SLC7A14: variants seen among roughly 807,000 people sequenced by gnomAD.
SLC7A14 encodes solute carrier family 7 member 14, also known as gamma-aminobutyric acid transporter SLC7A14.
A neutral mutation model predicts 60.2 loss-of-function variants in SLC7A14; 37 were observed. That is an observed-to-expected ratio of 0.61 (90% CI 0.47 to 0.81). The LOEUF is 0.81. Among genes scored for constraint, SLC7A14 ranks in the 30% least tolerant of loss-of-function variants. SLC7A14 has a pLI of 0.00. For synonymous variants in SLC7A14, 399 were observed against 395.8 expected (o/e 1.01, Z -0.10); for missense variants, 886 against 982.7 (o/e 0.90, Z 1.32).
At chr3:170,496,088 C>G in intron 4 of SLC7A14, 7 of 1,231,538 alleles carry the variant, frequency 5.7e-6, no homozygotes, top group South Asian at 2.4e-5. Flanking sequence ...GGCTGACTGA[C>G]GAGATCAACT....
chr3:170,566,138 G>A (rs1051565347), intron 1 of SLC7A14, among the ~76,000 whole-genome samples: 2 of 152,148 alleles, frequency 1.3e-5, no homozygotes, highest in Non-Finnish European at 2.9e-5. Context: ...ACACAGTGAG[G>A]GAGGGATGTG....
intron 2 of SLC7A14, among the ~76,000 whole-genome samples, chr3:170,520,381 G>C (rs935257396): frequency 6.6e-6 from 1 of 152,160 alleles, no homozygotes; most frequent in Non-Finnish European, 1.5e-5. Context: ...ACATTGTTAT[G>C]ACTATTATTG....
chr3:170,466,792 G>A lies in SLC7A14; in HGVS notation c.*263C>T. 2.6e-6 allele frequency: 1 copy of A among 380,322 alleles called. No individual in the cohort carries two copies. The highest frequency in any genetic ancestry group is 4.7e-6 in the Non-Finnish European group (1 of 212,202). The allele number at this position is 380,322 out of a possible 1,614,324, so 23.6% of individuals were successfully genotyped here. A position where few individuals can be genotyped will look rare whatever the true frequency, so the allele number is the denominator to read the frequency against. ...TTTGGTACCATCAGCTCTGGTGGTT[G>A]CACCTAAGATGGAATTTCATATAGC... On this transcript the variant is annotated 3_prime_UTR_variant, in exon 8 of 8. Coordinates refer to ENST00000231706, the MANE Select transcript of SLC7A14 (RefSeq NM_020949.3).
rs1159786094 is a variant in SLC7A14, at chr3:170,480,520, C to G, written c.1762G>C (p.Asp588His). Reference sequence around the variant, plus strand: ...CACCAGCTCTGCTCTGAGATGTAGTCAGAACCAAAGATGATGAAGGAGCAG... The same window carrying G: ...CACCAGCTCTGCTCTGAGATGTAGTGAGAACCAAAGATGATGAAGGAGCAG... Reference protein sequence around the residue: ...IFCSFIIFGSDYISEQSWWAI... With the variant: ...IFCSFIIFGSHYISEQSWWAI... Residue 588 changes from aspartate (D) to histidine (H), a missense_variant, in exon 7 of 8, where the codon GAC (aspartate) becomes CAC (histidine). Coordinates refer to ENST00000231706, the MANE Select transcript of SLC7A14 (RefSeq NM_020949.3). 2 of 1,614,054 alleles carry G rather than the reference C, an allele frequency of 1.2e-6. No individual in the cohort carries two copies. Among genetic ancestry groups the G allele is most frequent in the African/African-American group, 1.3e-5 (1 of 74,912 alleles).
At chr3:170,554,672 C>T (rs544106061) in intron 1 of SLC7A14, among the ~76,000 whole-genome samples, 2 of 152,346 alleles carry the variant, frequency 1.3e-5, no homozygotes, top group East Asian at 1.9e-4. Context: ...CTCTGCCCCA[C>T]GGCAGATGTT....
intron 2 of SLC7A14, among the ~76,000 whole-genome samples, chr3:170,518,291 T>C (rs936736520): frequency 5.3e-5 from 8 of 152,230 alleles, no homozygotes; most frequent in African/African-American, 1.9e-4. Context: ...CTGATTCTAC[T>C]TTCACTTTCT....
At position 170,562,365 on chromosome 3, in the gene SLC7A14, A is replaced by G. The variant is rs567809858; in HGVS notation, c.-153+23546T>C. 5.3e-5 allele frequency among the ~76,000 whole-genome samples: 8 copies of G among 152,296 alleles called. No individual in the cohort carries two copies. The South Asian group carries it at 8.3e-4, about 16-fold the overall frequency. ...AGCAACCTGGATGGGATTGGAGACT[A>G]TTATTCTAAGTGAAGTAACTCTGGA... On this transcript the variant is annotated intron_variant, in intron 1 of 7. Coordinates refer to ENST00000231706, the MANE Select transcript of SLC7A14 (RefSeq NM_020949.3).
intron 7 of SLC7A14, among the ~76,000 whole-genome samples, chr3:170,478,235 G>A (rs1482496949): frequency 6.6e-6 from 1 of 151,978 alleles, no homozygotes; most frequent in East Asian, 1.9e-4. Context: ...TTGCCACCAC[G>A]CCTGGCTAAT....
At position 170,463,460 on chromosome 3, in the gene SLC7A14, C is replaced by T. The variant is rs1052663057; in HGVS notation, c.*3595G>A. On this transcript the variant is annotated 3_prime_UTR_variant, in exon 8 of 8. Transcript: ENST00000231706. The stretch of plus-strand genomic sequence containing the variant: ...GACCCCCCACAGCACATTACAAGTC[C>T]GTCATCTCACCTGACACATTCACTA... 5 of 152,234 alleles carry T rather than the reference C, an allele frequency of 3.3e-5. No individual in the cohort carries two copies. The highest frequency in any genetic ancestry group is 2.1e-4 in the South Asian group (1 of 4,808). The allele number at this position is 152,234 out of a possible 1,614,324, so 9.4% of individuals were successfully genotyped here.
intron 4 of SLC7A14, among the ~76,000 whole-genome samples, chr3:170,491,742 C>A (rs570192691): frequency 6.6e-6 from 1 of 152,266 alleles, no homozygotes; most frequent in Non-Finnish European, 1.5e-5. Context: ...GGAAGAAATA[C>A]TCTGGCCTTG....
Position 170,466,958 on chromosome 3 carries a change from T to A in SLC7A14, c.*97A>T. ...GGATTGAATTTGGGGAAGGCTGGATTTGTGAAATGAGAGCCAAAAAAGTTT... is the reference window on the plus strand; with the variant it reads ...GGATTGAATTTGGGGAAGGCTGGATATGTGAAATGAGAGCCAAAAAAGTTT... On this transcript the variant is annotated 3_prime_UTR_variant, in exon 8 of 8. Coordinates refer to ENST00000231706, the MANE Select transcript of SLC7A14 (RefSeq NM_020949.3). The A allele has an allele frequency of 9.7e-7, 1 of 1,036,040 alleles. No homozygotes were observed. Among genetic ancestry groups the A allele is most frequent in the Non-Finnish European group, 1.4e-6 (1 of 707,416 alleles). 64.2% of individuals were successfully genotyped at this position (1,036,040 alleles called of 1,614,324 possible). A position where few individuals can be genotyped will look rare whatever the true frequency, so the allele number is the denominator to read the frequency against.
At chr3:170,550,073 C>G (rs977955830) in intron 1 of SLC7A14, among the ~76,000 whole-genome samples, 9 of 152,160 alleles carry the variant, frequency 5.9e-5, no homozygotes, top group Non-Finnish European at 1.2e-4. Flanking sequence ...AAGGGTTGAC[C>G]TGAAAATAAG....
At chr3:170,530,854 A>G (rs1180842303) in intron 1 of SLC7A14, among the ~76,000 whole-genome samples, 1 of 152,196 alleles carries the variant, frequency 6.6e-6, no homozygotes, top group Non-Finnish European at 1.5e-5. Flanking sequence ...GGAGAACCTC[A>G]CAAGCTGTGC....
Position 170,532,617 on chromosome 3 carries a change from T to C in SLC7A14, c.-152-5529A>G, listed in dbSNP as rs1202933592. Among the ~76,000 whole-genome samples, 2 of 151,738 alleles carry C rather than the reference T, an allele frequency of 1.3e-5. No individual in the cohort carries two copies. Among genetic ancestry groups the C allele is most frequent in the Non-Finnish European group, 2.9e-5 (2 of 67,962 alleles). The stretch of plus-strand genomic sequence containing the variant: ...TTTTAGTACCGCGCCTGGCGTATAG[T>C]GCATGCTGTGGGAGCGTTAGCTAGC... On this transcript the variant is annotated intron_variant, in intron 1 of 7. Transcript: ENST00000231706. This position sits in a 1 kb window ranked among gnomAD's most constrained non-coding sequence, Gnocchi z 4.0.
At chr3:170,527,371 C>T (rs879509275) in intron 1 of SLC7A14, among the ~76,000 whole-genome samples, 8 of 152,206 alleles carry the variant, frequency 5.3e-5, no homozygotes, top group Non-Finnish European at 1.2e-4. Context: ...GTCTGTGTTT[C>T]AGTCTCAGCT....
rs1274401577 is a variant in SLC7A14, at chr3:170,459,769, A to G, written c.*7286T>C. The G allele has an allele frequency of 6.6e-6, 1 of 152,190 alleles. No homozygotes were observed. Among genetic ancestry groups the G allele is most frequent in the East Asian group, 1.9e-4 (1 of 5,200 alleles). The allele number at this position is 152,190 out of a possible 1,614,324, so 9.4% of individuals were successfully genotyped here. On this transcript the variant is annotated 3_prime_UTR_variant, in exon 8 of 8. Transcript: ENST00000231706. ...AGATACTGGTTAAGGTTAACAAAAT[A>G]TGGGAAGGCTCCTTTTTCTTTTCTT...
intron 4 of SLC7A14, among the ~76,000 whole-genome samples, chr3:170,489,988 G>A (rs771457224): frequency 6.6e-6 from 1 of 152,044 alleles, no homozygotes; most frequent in African/African-American, 2.4e-5. Flanking sequence ...GATGGTTAAT[G>A]GGTACAAAAA....
intron 2 of SLC7A14, among the ~76,000 whole-genome samples, chr3:170,512,255 G>T (rs1215875253): frequency 6.6e-6 from 1 of 152,162 alleles, no homozygotes; most frequent in African/African-American, 2.4e-5. Context: ...GGCCTCCCCA[G>T]CCCAGATGAG....
chr3:170,561,556 C>A (rs551472093), intron 1 of SLC7A14, among the ~76,000 whole-genome samples: 3 of 152,272 alleles, frequency 2.0e-5, no homozygotes, highest in African/African-American at 7.2e-5. Context: ...GCTAGAATAT[C>A]TGCTCTGCTT....
Sources: gnomAD v4.1 joint callset for allele counts (sites outside exome capture counted in the v4.1 genomes callset) on GRCh38, gnomAD v4.1.1 for gene constraint, Gnocchi (gnomAD v3.1) non-coding constraint, MANE v1.5 for transcripts, NCBI Gene and HGNC (gene_info 2026-07-23, HGNC 2026-07-21) for gene names.